OTOF: variants seen among roughly 807,000 people sequenced by gnomAD.
The protein encoded by OTOF is otoferlin.
A neutral mutation model predicts 236.8 loss-of-function variants in OTOF; 218 were observed. The observed-to-expected ratio is 0.92, with a 90% CI of 0.82 to 1.03. The LOEUF (loss-of-function observed/expected upper bound fraction) is 1.03, where lower values mean the gene tolerates loss of function less well. OTOF is among the 50% of genes least tolerant of loss of function. The pLI is 0.00. For missense variants in OTOF, 2,590 were observed against 2,694.4 expected (o/e 0.96, Z 0.86); for synonymous variants, 1,041 against 1,072.5 (o/e 0.97, Z 0.57).
At chr2:26,548,754 G>C (rs1373272985) in intron 1 of OTOF, among the ~76,000 whole-genome samples, 3 of 152,218 alleles carry the variant, frequency 2.0e-5, no homozygotes, top group Non-Finnish European at 4.4e-5. Context: ...AGGAGCAGTA[G>C]GTCATACCAT....
At chr2:26,472,393 G>A (rs914884506) in intron 30 of OTOF, 126 bp downstream of exon 30, 37 of 1,222,912 alleles carry the variant, frequency 3.0e-5, no homozygotes, top group Admixed American at 1.0e-4. Flanking sequence ...CTCAGCCCCC[G>A]ACAGTCACAT....
At chr2:26,463,916 C>T in intron 40 of OTOF, 48 bp downstream of exon 40, 1 of 1,609,210 alleles carries the variant, frequency 6.2e-7, no homozygotes, top group Non-Finnish European at 8.5e-7. Context: ...TTGGGGATCC[C>T]TGGTCCCCAA....
In OTOF at chr2:26,460,246, A is replaced by G. The variant is rs768799975; in HGVS notation, c.5814-41T>C. 2.8e-5 allele frequency: 42 copies of G among 1,526,410 alleles called. No homozygotes were observed. Among genetic ancestry groups the G allele is most frequent in the Non-Finnish European group, 3.5e-5 (39 of 1,117,046 alleles). The allele number at this position is 1,526,410 out of a possible 1,614,324, so 94.6% of individuals were successfully genotyped here. A position where few individuals can be genotyped will look rare whatever the true frequency, so the allele number is the denominator to read the frequency against. On this transcript the variant is annotated intron_variant, in intron 45 of 46. Coordinates refer to ENST00000272371, the MANE Select transcript of OTOF (RefSeq NM_194248.3). The surrounding 1 kb of genome is among the most constrained non-coding windows in gnomAD (Gnocchi z 5.3). Reference sequence around the variant, plus strand: ...TAGAGAGCGCAGAGGAGGGACAGGGAGGAGAAGGGATTGGGTGTGGCGAGG... The same window carrying G: ...TAGAGAGCGCAGAGGAGGGACAGGGGGGAGAAGGGATTGGGTGTGGCGAGG...
intron 3 of OTOF, among the ~76,000 whole-genome samples, chr2:26,525,464 C>G (rs1401829620): frequency 1.3e-5 from 2 of 152,230 alleles, no homozygotes; most frequent in Non-Finnish European, 2.9e-5. Context: ...TGTCTTCCAG[C>G]AGCCTGTTCC....
intron 1 of OTOF, among the ~76,000 whole-genome samples, chr2:26,544,063 A>T (rs1239713164): frequency 6.6e-6 from 1 of 152,258 alleles, no homozygotes; most frequent in African/African-American, 2.4e-5. Flanking sequence ...AAATATAAAA[A>T]TGGCTTCTTC....
At chr2:26,529,253 A>G (rs1375161517) in intron 2 of OTOF, among the ~76,000 whole-genome samples, 1 of 152,214 alleles carries the variant, frequency 6.6e-6, no homozygotes, top group African/African-American at 2.4e-5. Flanking sequence ...CGTGTCAGGG[A>G]GGATTTTGAC....
rs758618543 is a variant in OTOF at position 26,477,288 on chromosome 2, C to T, written c.2407G>A (p.Glu803Lys). ...ATCCTGGCCTGCTGCCCCATGTTTT[C>T]CTGCGAAGGAGGGGGTGTCAGTGAA... is the stretch of plus-strand genomic sequence containing the variant. Reference protein sequence around the residue: ...ERLKSCMRELENMGQQARMLR... With the variant: ...ERLKSCMRELKNMGQQARMLR... The change falls in exon 21 of 47, where the codon GAA (glutamate) becomes AAA (lysine). Residue 803 changes from glutamate (E) to lysine (K), a missense_variant and splice_region_variant. Around this residue, in one of 2 missense-constraint regions of OTOF, gnomAD observed 1,379 missense variants for 1,341.6 expected, o/e 1.03. Coordinates refer to ENST00000272371, the MANE Select transcript of OTOF (RefSeq NM_194248.3). This position sits in a 1 kb window ranked among gnomAD's most constrained non-coding sequence, Gnocchi z 4.7. 20 of 1,609,038 alleles carry T rather than the reference C, an allele frequency of 1.2e-5. No individual in the cohort carries two copies. The highest frequency in any genetic ancestry group is 1.6e-5 in the Non-Finnish European group (19 of 1,178,824).
chr2:26,511,126 C>G (rs536601148), intron 5 of OTOF, among the ~76,000 whole-genome samples: 2 of 152,358 alleles, frequency 1.3e-5, no homozygotes, highest in East Asian at 3.9e-4. Flanking sequence ...GGCCACCCTC[C>G]CGGCCTGGGC....
In OTOF at chr2:26,472,662, A is replaced by G. The variant is rs368329882; in HGVS notation, c.3734-13T>C. ...CGGAGAAGCCTGACTGGACAGATGGATAGATGGACAGACAGGCAGAGGAAG... is the reference window on the plus strand; with the variant it reads ...CGGAGAAGCCTGACTGGACAGATGGGTAGATGGACAGACAGGCAGAGGAAG... On this transcript the variant is annotated splice_polypyrimidine_tract_variant and intron_variant, in intron 29 of 46. Transcript: ENST00000272371. The G allele has an allele frequency of 1.7e-4, 273 of 1,612,380 alleles. 2 individuals are homozygous for G. The African/African-American group carries it at 3.3e-3, about 20-fold the overall frequency.
At chr2:26,494,659 G>GT (rs57622510) in intron 9 of OTOF, among the ~76,000 whole-genome samples, 10 of 142,998 alleles carry the variant, frequency 7.0e-5, no homozygotes, top group South Asian at 2.4e-4. Flanking sequence ...AGTGGGGTGG[G>GT]GGGGGGTTCT....
intron 2 of OTOF, among the ~76,000 whole-genome samples, chr2:26,535,212 C>T (rs1667041572): frequency 6.6e-6 from 1 of 152,214 alleles, no homozygotes; most frequent in African/African-American, 2.4e-5. Context: ...GAGTCAGGCC[C>T]TATCACTGTA....
In OTOF at chr2:26,473,955, C is replaced by A; in HGVS notation, c.3408+36G>T. 1 of 1,612,492 alleles carries A rather than the reference C, an allele frequency of 6.2e-7. No individual in the cohort carries two copies. Among genetic ancestry groups the A allele is most frequent in the South Asian group, 1.1e-5 (1 of 91,064 alleles). On this transcript the variant is annotated intron_variant, in intron 27 of 46. Transcript: ENST00000272371. The surrounding 1 kb of genome is among the most constrained non-coding windows in gnomAD (Gnocchi z 7.2). Reference sequence around the variant, plus strand: ...TCCCCTCCTGGGTCCTCAGACTCCTCATCCAAAAGGGAAGGGCCACACAGA... The same window carrying A: ...TCCCCTCCTGGGTCCTCAGACTCCTAATCCAAAAGGGAAGGGCCACACAGA...
chr2:26,479,230 C>A, intron 18 of OTOF, 34 bp downstream of exon 18: 2 of 1,610,476 alleles, frequency 1.2e-6, no homozygotes, highest in Non-Finnish European at 1.7e-6. Context: ...TCCCCCAGGA[C>A]CCCACCCCTG....
In OTOF at chr2:26,460,857, G is replaced by A; in HGVS notation, c.5707C>T (p.Leu1903Phe). ...LARNENDEFE[L>F]TGKVEAELHL... Reference sequence around the variant, plus strand: ...GAGCAGGAAGGGGTGCGCACCGTGAGCTCAAACTCATCGTTCTCATTGCGG... The same window carrying A: ...GAGCAGGAAGGGGTGCGCACCGTGAACTCAAACTCATCGTTCTCATTGCGG... Residue 1903 changes from leucine to phenylalanine, a missense_variant, in exon 44 of 47, where the codon CTC becomes TTC. By Grantham distance (22) the Leu-to-Phe change is conservative (BLOSUM62 0). Transcript: ENST00000272371. The surrounding 1 kb of genome is among the most constrained non-coding windows in gnomAD (Gnocchi z 5.3). The A allele has an allele frequency of 6.2e-7, 1 of 1,614,048 alleles. No homozygotes were observed. Among genetic ancestry groups the A allele is most frequent in the South Asian group, 1.1e-5 (1 of 91,080 alleles).
At chr2:26,529,738 G>A (rs1666895816) in intron 2 of OTOF, among the ~76,000 whole-genome samples, 1 of 151,658 alleles carries the variant, frequency 6.6e-6, no homozygotes, top group South Asian at 2.1e-4. Flanking sequence ...ACTGGCAAGG[G>A]AGGACCTGGC....
intron 5 of OTOF, among the ~76,000 whole-genome samples, chr2:26,505,875 C>T (rs1666235359): frequency 1.3e-5 from 2 of 152,178 alleles, no homozygotes; most frequent in South Asian, 4.1e-4. Flanking sequence ...TGGAATCTCA[C>T]AGATCATACC....
chr2:26,461,966 G>A lies in OTOF; in HGVS notation c.5292-29C>T. On this transcript the variant is annotated intron_variant, in intron 42 of 46. Transcript: ENST00000272371. This position sits in a 1 kb window ranked among gnomAD's most constrained non-coding sequence, Gnocchi z 6.2. ...TGGGCGCCACATCTCCAGACCCGCA[G>A]CCAGGCTGGTGGGGCCTCTCCCACC... The A allele has an allele frequency of 1.2e-6, 2 of 1,613,852 alleles. No individual in the cohort carries two copies. The highest frequency in any genetic ancestry group is 1.7e-5 in the Admixed American group (1 of 60,006).
chr2:26,496,013 G>A (rs941835918), intron 8 of OTOF, among the ~76,000 whole-genome samples: 1 of 152,146 alleles, frequency 6.6e-6, no homozygotes, highest in African/African-American at 2.4e-5. Flanking sequence ...TGCGGCTTTG[G>A]TGCCTGCCTG....
Position 26,483,373 on chromosome 2 carries a change from G to A in OTOF, c.1392+89C>T, listed in dbSNP as rs879141125. On this transcript the variant is annotated intron_variant, in intron 13 of 46. Coordinates refer to ENST00000272371, the MANE Select transcript of OTOF (RefSeq NM_194248.3). ...CATGATTTCCAGCCTTGTCTTACCT[G>A]CCCAGCTGCCCCAGGCCCCACACCC... The A allele has an allele frequency of 2.0e-5, 24 of 1,221,172 alleles. No individual in the cohort carries two copies. In the South Asian group the frequency reaches 2.5e-4, roughly 13 times the overall value. The allele number at this position is 1,221,172 out of a possible 1,614,324, so 75.6% of individuals were successfully genotyped here.
Sources: gnomAD v4.1 joint callset for allele counts (sites outside exome capture counted in the v4.1 genomes callset) on GRCh38, gnomAD v4.1.1 for gene constraint, gnomAD v4.1.1 regional missense constraint, Gnocchi (gnomAD v3.1) non-coding constraint, MANE v1.5 for transcripts, NCBI Gene and HGNC (gene_info 2026-07-23, HGNC 2026-07-21) for gene names.